UGT1A9: variants seen among roughly 807,000 people sequenced by gnomAD.
The protein encoded by UGT1A9 is UDP-glucuronosyltransferase 1A9.
UGT1A9 carries 35 observed loss-of-function variants against 45.0 expected under a neutral mutation model. The ratio of observed to expected loss-of-function variants is 0.78; its 90% CI spans 0.59 to 1.03. The LOEUF is 1.03. Among genes scored for constraint, UGT1A9 ranks in the 50% least tolerant of loss-of-function variants. The probability of loss-of-function intolerance (pLI) is 0.00; values close to 1 mark genes in which losing one functional copy is unlikely to be tolerated. For synonymous variants in UGT1A9, 278 were observed against 250.6 expected, an observed-to-expected ratio of 1.11 and a Z score of -1.03; for missense variants, 687 against 666.6, an observed-to-expected ratio of 1.03 and a Z score of -0.34.
intron 1 of UGT1A9, among the ~76,000 whole-genome samples, chr2:233,696,827 A>T (rs1388202495): frequency 6.6e-6 from 1 of 152,200 alleles, no homozygotes; most frequent in African/African-American, 2.4e-5. Context: ...GAGAGTGTGT[A>T]TCATAAAGGG....
chr2:233,755,235 C>G (rs1346915931), intron 1 of UGT1A9: 5 of 904,804 alleles, frequency 5.5e-6, no homozygotes, highest in Non-Finnish European at 8.2e-6. Flanking sequence ...CGAGGCCTAC[C>G]GGGGTACTCC....
In UGT1A9 at chr2:233,729,854, T is replaced by C. The variant is rs773168395; in HGVS notation, c.856-37180T>C. The C allele has an allele frequency of 2.5e-6, 4 of 1,613,682 alleles. No homozygotes were observed. In the African/African-American group the frequency reaches 5.3e-5, roughly 22 times the overall value. On this transcript the variant is annotated intron_variant, in intron 1 of 4. Transcript: ENST00000354728. ...GCCTCTGAGCTTTTTCAGAGAGAGGTGTCAGTGGTGGATATTCTCAGTCAT... is the reference window on the plus strand; with the variant it reads ...GCCTCTGAGCTTTTTCAGAGAGAGGCGTCAGTGGTGGATATTCTCAGTCAT...
At chr2:233,724,380 G>A (rs868115518) in intron 1 of UGT1A9, among the ~76,000 whole-genome samples, 4,371 of 138,732 alleles carry the variant, frequency 0.032, 38 homozygotes, top group African/African-American at 0.047. Flanking sequence ...GCTGCCGGGC[G>A]GAGACGCTCC....
At chr2:233,700,498 G>C (rs954320934) in intron 1 of UGT1A9, among the ~76,000 whole-genome samples, 1 of 152,108 alleles carries the variant, frequency 6.6e-6, no homozygotes, top group Non-Finnish European at 1.5e-5. Flanking sequence ...TAAAAGCCTA[G>C]AAACTTGACT....
At chr2:233,765,745 A>T in intron 1 of UGT1A9, among the ~76,000 whole-genome samples, 1 of 151,724 alleles carries the variant, frequency 6.6e-6, no homozygotes, top group East Asian at 1.9e-4. Flanking sequence ...AAACCCATAA[A>T]GCCATTTGAG....
intron 1 of UGT1A9, among the ~76,000 whole-genome samples, chr2:233,707,167 C>T (rs551362724): frequency 4.5e-4 from 69 of 152,260 alleles, no homozygotes; most frequent in African/African-American, 1.6e-3. Context: ...AGCACCCAGA[C>T]ATCCATCCTG....
At chr2:233,739,468 AC>A (rs1365690931) in intron 1 of UGT1A9, among the ~76,000 whole-genome samples, 1 of 152,200 alleles carries the variant, frequency 6.6e-6, no homozygotes, top group Non-Finnish European at 1.5e-5. Flanking sequence ...GCTGCCTGAG[AC>A]CGTGGGAGCC....
At chr2:233,757,996 G>A (rs1283053309) in intron 1 of UGT1A9, among the ~76,000 whole-genome samples, 1 of 152,032 alleles carries the variant, frequency 6.6e-6, no homozygotes, top group East Asian at 1.9e-4. Flanking sequence ...CCCTGTAATT[G>A]CCTGGTCATG....
At chr2:233,752,746 A>AAAACAAACAAAC (rs200752387) in intron 1 of UGT1A9, among the ~76,000 whole-genome samples, 1 of 152,190 alleles carries the variant, frequency 6.6e-6, no homozygotes, top group East Asian at 1.9e-4. Context: ...CCCTGTCTCT[A>AAAACAAACAAAC]AAACAAACAA....
intron 1 of UGT1A9, among the ~76,000 whole-genome samples, chr2:233,764,316 C>T (rs1044416342): frequency 3.3e-5 from 5 of 152,242 alleles, no homozygotes; most frequent in Admixed American, 6.5e-5. Flanking sequence ...TTAAGGGAAG[C>T]TTTGCCAAGT....
chr2:233,710,145 T>C (rs1309265551), intron 1 of UGT1A9, among the ~76,000 whole-genome samples: 3 of 152,254 alleles, frequency 2.0e-5, no homozygotes, highest in Non-Finnish European at 4.4e-5. Context: ...TGTATAGATA[T>C]ATCATCATTT....
Position 233,731,284 on chromosome 2 carries a change from C to CTT in UGT1A9, c.856-35737_856-35736dup, listed in dbSNP as rs78127606. 2.2e-3 allele frequency among the ~76,000 whole-genome samples: 301 copies of CTT among 139,786 alleles called. 4 individuals are homozygous for CTT. Among genetic ancestry groups the CTT allele is most frequent in the African/African-American group, 6.8e-3 (261 of 38,534 alleles). 91.7% of individuals were successfully genotyped at this position (139,786 alleles called of 152,430 possible). A position where few individuals can be genotyped will look rare whatever the true frequency, so the allele number is the denominator to read the frequency against. On this transcript the variant is annotated intron_variant, in intron 1 of 4. Coordinates refer to ENST00000354728, the MANE Select transcript of UGT1A9 (RefSeq NM_021027.3). The stretch of plus-strand genomic sequence containing the variant: ...ACTGTTGCCCTTCCAGTTTTTCTTT[C>CTT]TTTTTTTTTTTTTTATTATACTTTA...
chr2:233,766,838 C>T (rs906628829), intron 1 of UGT1A9, among the ~76,000 whole-genome samples, 196 bp from the exon 2 acceptor site: 1 of 152,156 alleles, frequency 6.6e-6, no homozygotes, highest in Non-Finnish European at 1.5e-5. Flanking sequence ...TAAGCAGGAA[C>T]CCTTCCTCCT....
At chr2:233,746,103 G>C (rs1465134401) in intron 1 of UGT1A9, among the ~76,000 whole-genome samples, 1 of 151,806 alleles carries the variant, frequency 6.6e-6, no homozygotes, top group Non-Finnish European at 1.5e-5. Flanking sequence ...CATGTCCAGA[G>C]TGCTTACTGT....
At chr2:233,711,090 C>T (rs369326612) in intron 1 of UGT1A9, among the ~76,000 whole-genome samples, 94 of 152,334 alleles carry the variant, frequency 6.2e-4, no homozygotes, top group African/African-American at 2.2e-3. Context: ...CCAAGTCTAT[C>T]TGTGCAGCCC....
intron 1 of UGT1A9, among the ~76,000 whole-genome samples, chr2:233,690,345 T>G (rs7563561): frequency 0.39 from 59,795 of 152,000 alleles, 11,945 homozygotes; most frequent in South Asian, 0.45. Flanking sequence ...CTGAAAGAGT[T>G]AGCACCTTAG....
At chr2:233,767,365 A>C (rs559747453) in intron 2 of UGT1A9, among the ~76,000 whole-genome samples, 200 bp downstream of exon 2, 45 of 152,316 alleles carry the variant, frequency 3.0e-4, no homozygotes, top group Non-Finnish European at 4.4e-4. Flanking sequence ...ATACTCTATT[A>C]AACTATGATC....
chr2:233,675,004 C>A (rs2074305019), intron 1 of UGT1A9, among the ~76,000 whole-genome samples: 2 of 152,142 alleles, frequency 1.3e-5, no homozygotes, highest in South Asian at 4.1e-4. Flanking sequence ...GAGAAGGAAG[C>A]ATTACTTGAT....
At chr2:233,694,006 G>A in intron 1 of UGT1A9, 1 of 1,466,280 alleles carries the variant, frequency 6.8e-7, no homozygotes, top group Non-Finnish European at 9.2e-7. Flanking sequence ...GCTCGGAGCA[G>A]CGGGAACACA....
Sources: allele counts gnomAD v4.1 joint callset (sites outside exome capture counted in the v4.1 genomes callset), GRCh38; gene constraint gnomAD v4.1.1; transcripts MANE v1.5; gene names NCBI Gene and HGNC (gene_info 2026-07-23, HGNC 2026-07-21).